Variants in C6orf52 observed in about 807,000 individuals in gnomAD.
The protein encoded by C6orf52 is chromosome 6 open reading frame 52.
C6orf52 carries 16 observed loss-of-function variants against 16.6 expected under a neutral mutation model. The ratio of observed to expected loss-of-function variants is 0.96; its 90% CI spans 0.65 to 1.46. C6orf52 has a LOEUF of 1.46. Ranked by LOEUF, C6orf52 falls within the 40% of genes most tolerant of loss-of-function variation. C6orf52 has a pLI of 0.00. For synonymous variants in C6orf52, 53 were observed against 61.4 expected (o/e 0.86, Z 0.64); for missense variants, 166 against 182.3 (o/e 0.91, Z 0.52).
At chr6:10,691,059 C>G (rs925920393) in intron 1 of C6orf52, among the ~76,000 whole-genome samples, 20 of 152,222 alleles carry the variant, frequency 1.3e-4, no homozygotes, top group Non-Finnish European at 1.5e-5. Flanking sequence ...AAAAGAGCAG[C>G]ATTGCTGGCT....
chr6:10,683,573 T>G (rs1442119300), intron 3 of C6orf52, among the ~76,000 whole-genome samples: 2 of 152,212 alleles, frequency 1.3e-5, no homozygotes, highest in African/African-American at 4.8e-5. Flanking sequence ...AGGCTCCTTA[T>G]TTCTTGTACT....
rs41271785 is a variant in C6orf52 at position 10,671,434 on chromosome 6, G to A, written c.*22C>T. ...ACGACACAATTAGTATGATAATTGCGGAGTTTAATGAACACCTTGCTTCAC... is the reference window on the plus strand; with the variant it reads ...ACGACACAATTAGTATGATAATTGCAGAGTTTAATGAACACCTTGCTTCAC... On this transcript the variant is annotated 3_prime_UTR_variant, in exon 5 of 5. Coordinates refer to ENST00000259983, the MANE Select transcript of C6orf52 (RefSeq NM_001145020.3). 31,284 of 1,513,562 alleles carry A rather than the reference G, an allele frequency of 0.021. 401 individuals are homozygous for A. Among genetic ancestry groups the A allele is most frequent in the Middle Eastern group, 0.033 (192 of 5,824 alleles). 93.8% of individuals were successfully genotyped at this position (1,513,562 alleles called of 1,614,324 possible).
At chr6:10,687,968 A>G (rs1038121762) in intron 1 of C6orf52, among the ~76,000 whole-genome samples, 1 of 152,198 alleles carries the variant, frequency 6.6e-6, no homozygotes, top group African/African-American at 2.4e-5. Flanking sequence ...ACCTTAAGAC[A>G]AATACATTTC....
chr6:10,682,315 C>G (rs7757582), intron 4 of C6orf52, among the ~76,000 whole-genome samples: 16,378 of 152,170 alleles, frequency 0.11, 2,713 homozygotes, highest in African/African-American at 0.36. Flanking sequence ...AGAAATCCCA[C>G]AAAGTTGAAA....
chr6:10,687,228 C>G, intron 2 of C6orf52, 64 bp from the exon 3 acceptor site: 5 of 1,257,250 alleles, frequency 4.0e-6, no homozygotes, highest in Non-Finnish European at 5.5e-6. Flanking sequence ...ACCCTTTCTT[C>G]TTTCCAGGAA....
chr6:10,682,879 A>G (rs1027070550), intron 4 of C6orf52, among the ~76,000 whole-genome samples: 2 of 152,190 alleles, frequency 1.3e-5, no homozygotes, highest in Non-Finnish European at 2.9e-5. Context: ...AAAGAGAATT[A>G]AAGCATAATT....
chr6:10,687,178 A>C lies in C6orf52; in HGVS notation c.72-14T>G. 1.3e-6 allele frequency: 2 copies of C among 1,526,540 alleles called. No homozygotes were observed. The highest frequency in any genetic ancestry group is 1.8e-6 in the Non-Finnish European group (2 of 1,129,278). The allele number at this position is 1,526,540 out of a possible 1,614,324, so 94.6% of individuals were successfully genotyped here. On this transcript the variant is annotated splice_polypyrimidine_tract_variant and intron_variant, in intron 2 of 4. Transcript: ENST00000259983. ...GCAGAGGGGAGACTACAGGAATGAC[A>C]ATCATCACAACCAACGCAGAATCAT...
chr6:10,679,813 C>T (rs1328041656), intron 4 of C6orf52, among the ~76,000 whole-genome samples: 1 of 152,168 alleles, frequency 6.6e-6, no homozygotes, highest in Non-Finnish European at 1.5e-5. Context: ...GAAAAGCTTT[C>T]AGATTTTCCC....
intron 1 of C6orf52, among the ~76,000 whole-genome samples, chr6:10,690,027 G>C (rs1399147371): frequency 6.6e-6 from 1 of 152,018 alleles, no homozygotes; most frequent in Non-Finnish European, 1.5e-5. Context: ...CACAATTATG[G>C]CTATAACCAG....
chr6:10,680,409 A>T (rs1446011053), intron 4 of C6orf52, among the ~76,000 whole-genome samples: 1 of 152,152 alleles, frequency 6.6e-6, no homozygotes, highest in African/African-American at 2.4e-5. Flanking sequence ...TGTGCTGTTG[A>T]ATTCAGTTTG....
At chr6:10,682,114 G>A (rs1768449492) in intron 4 of C6orf52, among the ~76,000 whole-genome samples, 1 of 152,118 alleles carries the variant, frequency 6.6e-6, no homozygotes, top group Non-Finnish European at 1.5e-5. Context: ...CCCTCTTTTT[G>A]TTAAGAGCTT....
intron 4 of C6orf52, chr6:10,672,649 A>G: frequency 1.5e-6 from 1 of 678,080 alleles, no homozygotes; most frequent in Non-Finnish European, 2.6e-6. Context: ...ACAAAATATA[A>G]AAATAATTTT....
At chr6:10,684,883 G>A (rs2127467688) in intron 3 of C6orf52, 1 of 1,288,920 alleles carries the variant, frequency 7.8e-7, no homozygotes, top group Non-Finnish European at 1.0e-6. Context: ...TCCCAACAGG[G>A]GACACCCAGC....
At chr6:10,694,629 T>G (rs886743892), upstream of C6orf52, 7 of 191,656 alleles carry the variant, frequency 3.7e-5, no homozygotes, top group Non-Finnish European at 6.6e-5. Context: ...CCCCACCTCC[T>G]CCTGATGTCA....
intron 4 of C6orf52, 115 bp from the exon 5 acceptor site, chr6:10,671,713 A>C (rs1767438337): frequency 1.7e-6 from 1 of 586,940 alleles, no homozygotes. Flanking sequence ...TGCAGATAGT[A>C]AAGGTTAAAA....
intron 4 of C6orf52, among the ~76,000 whole-genome samples, chr6:10,674,243 T>C (rs927409710): frequency 1.3e-5 from 2 of 152,126 alleles, no homozygotes; most frequent in Admixed American, 1.3e-4. Context: ...ATCATCTCCC[T>C]AAAGACCCAT....
At chr6:10,689,002 G>A (rs991310110) in intron 1 of C6orf52, among the ~76,000 whole-genome samples, 3 of 152,054 alleles carry the variant, frequency 2.0e-5, no homozygotes, top group Non-Finnish European at 4.4e-5. Context: ...AGTAGAGACA[G>A]GGTTTCACCA....
chr6:10,689,948 A>G (rs1167072883), intron 1 of C6orf52, among the ~76,000 whole-genome samples: 5 of 152,254 alleles, frequency 3.3e-5, no homozygotes, highest in Admixed American at 2.0e-4. Context: ...CATGTCAGTT[A>G]AAGATTCTTT....
intron 4 of C6orf52, among the ~76,000 whole-genome samples, chr6:10,679,679 T>C (rs953924258): frequency 4.6e-5 from 7 of 152,154 alleles, no homozygotes; most frequent in African/African-American, 1.4e-4. Context: ...TCAAAACTTC[T>C]TCCTTTCCAA....
Sources: allele counts gnomAD v4.1 joint callset (sites outside exome capture counted in the v4.1 genomes callset), GRCh38; gene constraint gnomAD v4.1.1; transcripts MANE v1.5; gene names NCBI Gene and HGNC (gene_info 2026-07-23, HGNC 2026-07-21).